TPCN1: variants seen among roughly 807,000 people sequenced by gnomAD.
The protein encoded by TPCN1 is two pore segment channel 1.
TPCN1 carries 52 observed loss-of-function variants against 108.8 expected under a neutral mutation model. That is an observed-to-expected ratio of 0.48 (90% CI 0.38 to 0.60). The LOEUF (loss-of-function observed/expected upper bound fraction) is 0.60, where lower values mean the gene tolerates loss of function less well. TPCN1 is among the 20% of genes least tolerant of loss of function. The pLI, the probability that TPCN1 is intolerant of heterozygous loss-of-function variation, is 0.00. For synonymous variants in TPCN1, 446 were observed against 433.7 expected (o/e 1.03, Z -0.35); for missense variants, 806 against 1,072.8 (o/e 0.75, Z 3.47).
chr12:113,296,130 C>T lies in TPCN1; in HGVS notation c.*54C>T. 1 of 1,591,756 alleles carries T rather than the reference C, an allele frequency of 6.3e-7. No individual in the cohort carries two copies. Among genetic ancestry groups the T allele is most frequent in the Non-Finnish European group, 8.6e-7 (1 of 1,164,010 alleles). ...GCAATAACACAATAGTATTACTCTA[C>T]TGCGATGTACGGAACTGCGGTGTGT... On this transcript the variant is annotated 3_prime_UTR_variant, in exon 28 of 28. Transcript: ENST00000335509.
At chr12:113,252,914 G>A (rs1241716992) in intron 2 of TPCN1, among the ~76,000 whole-genome samples, 1 of 152,210 alleles carries the variant, frequency 6.6e-6, no homozygotes, top group Non-Finnish European at 1.5e-5. Flanking sequence ...GAATTACCAA[G>A]TTCAAACCGC....
At chr12:113,241,090 G>A (rs1165481228) in intron 2 of TPCN1, among the ~76,000 whole-genome samples, 1 of 152,102 alleles carries the variant, frequency 6.6e-6, no homozygotes, top group African/African-American at 2.4e-5. Context: ...GATTTCCATT[G>A]TATTTTCCTT....
At chr12:113,271,084 C>G (rs930625667) in intron 7 of TPCN1, among the ~76,000 whole-genome samples, 1 of 151,688 alleles carries the variant, frequency 6.6e-6, no homozygotes, top group African/African-American at 2.4e-5. Flanking sequence ...ATAGGGAGAC[C>G]CCATCTCTAC....
chr12:113,284,782 G>A lies in TPCN1; in HGVS notation c.1453+11G>A, dbSNP rs764614551. On this transcript the variant is annotated intron_variant, in intron 17 of 27. Coordinates refer to ENST00000335509, the MANE Select transcript of TPCN1 (RefSeq NM_017901.6). The surrounding 1 kb of genome is among the most constrained non-coding windows in gnomAD (Gnocchi z 4.1). ...TCGTCTTTCTAACTAGTACGTTTCC[G>A]ACATGGCTTTGCTGGACTGCTTGTT... The A allele has an allele frequency of 1.2e-5, 19 of 1,614,066 alleles. No individual in the cohort carries two copies. The highest frequency in any genetic ancestry group is 1.4e-5 in the Non-Finnish European group (17 of 1,179,946).
In TPCN1 at chr12:113,272,568, C is replaced by A; in HGVS notation, c.749-90C>A. The A allele has an allele frequency of 1.7e-6, 2 of 1,199,780 alleles. No individual in the cohort carries two copies. Among genetic ancestry groups the A allele is most frequent in the Non-Finnish European group, 2.5e-6 (2 of 802,496 alleles). 74.3% of individuals were successfully genotyped at this position (1,199,780 alleles called of 1,614,324 possible). A position where few individuals can be genotyped will look rare whatever the true frequency, so the allele number is the denominator to read the frequency against. On this transcript the variant is annotated intron_variant, in intron 7 of 27. Transcript: ENST00000335509. The surrounding 1 kb of genome is among the most constrained non-coding windows in gnomAD (Gnocchi z 4.1). ...GCTGCTCTTCCTGACCTGCTGCGTT[C>A]ATTTGCATGTATTTGTCCAGTCCTT...
intron 2 of TPCN1, among the ~76,000 whole-genome samples, chr12:113,252,072 C>T (rs1278129900): frequency 6.6e-6 from 1 of 151,010 alleles, no homozygotes; most frequent in East Asian, 2.0e-4. Context: ...GGACTGTCCT[C>T]CCAGGGCAGC....
At chr12:113,255,636 A>ATGCCTCAGCCTCC in intron 2 of TPCN1, among the ~76,000 whole-genome samples, 1 of 151,950 alleles carries the variant, frequency 6.6e-6, no homozygotes, top group East Asian at 1.9e-4. Flanking sequence ...AGTGAGTCTC[A>ATGCCTCAGCCTCC]TGCCTCAGCC....
chr12:113,288,712 T>C lies in TPCN1; in HGVS notation c.1707-46T>C, dbSNP rs1956171987. 6.2e-7 allele frequency: 1 copy of C among 1,604,716 alleles called. No individual in the cohort carries two copies. Among genetic ancestry groups the C allele is most frequent in the African/African-American group, 1.3e-5 (1 of 74,996 alleles). On this transcript the variant is annotated intron_variant, in intron 20 of 27. Transcript: ENST00000335509. The surrounding 1 kb of genome is among the most constrained non-coding windows in gnomAD (Gnocchi z 4.8). ...GGAGGCCGGGGCTGCAGAGGAGCCG[T>C]TCCCTCCTGCCGGCCCCGCGTCACC... is the stretch of plus-strand genomic sequence containing the variant.
In TPCN1 at chr12:113,284,176, A is replaced by G. The variant is rs1176325705; in HGVS notation, c.1343-405A>G. Among the ~76,000 whole-genome samples, 1 of 152,234 alleles carries G rather than the reference A, an allele frequency of 6.6e-6. No individual in the cohort carries two copies. The highest frequency in any genetic ancestry group is 1.5e-5 in the Non-Finnish European group (1 of 68,042). On this transcript the variant is annotated intron_variant, in intron 15 of 27. Transcript: ENST00000335509. This position sits in a 1 kb window ranked among gnomAD's most constrained non-coding sequence, Gnocchi z 4.1. ...TCTGGAAAGTGGGATTGCTAGGCGAATGGCTTAATGCATATGCAGTTTTTC... is the reference window on the plus strand; with the variant it reads ...TCTGGAAAGTGGGATTGCTAGGCGAGTGGCTTAATGCATATGCAGTTTTTC...
chr12:113,227,342 C>G (rs532755604), intron 2 of TPCN1, among the ~76,000 whole-genome samples: 16 of 152,334 alleles, frequency 1.1e-4, no homozygotes, highest in African/African-American at 3.8e-4. Context: ...CAGCCTCCGT[C>G]TGTCCCCATC....
chr12:113,276,824 A>C, intron 10 of TPCN1, 95 bp from the exon 11 acceptor site: 21 of 829,920 alleles, frequency 2.5e-5, no homozygotes, highest in Non-Finnish European at 3.3e-5. Context: ...TGACTGGGTA[A>C]GAGCCTTGCC....
At chr12:113,285,150 C>A (rs936136518) in intron 17 of TPCN1, among the ~76,000 whole-genome samples, 3 of 152,254 alleles carry the variant, frequency 2.0e-5, no homozygotes, top group African/African-American at 4.8e-5. Flanking sequence ...CCTGACTTTC[C>A]TGCTCTTTCC....
Position 113,288,469 on chromosome 12 carries a change from C to G in TPCN1, c.1706+235C>G. On this transcript the variant is annotated intron_variant, in intron 20 of 27. Transcript: ENST00000335509. This position sits in a 1 kb window ranked among gnomAD's most constrained non-coding sequence, Gnocchi z 4.8. ...GGGAGGGCAGGGAGCTGTCAACTCG[C>G]TTACCACCTGTGTCTACATTCACAG... 7 of 1,499,306 alleles carry G rather than the reference C, an allele frequency of 4.7e-6. No homozygotes were observed. Among genetic ancestry groups the G allele is most frequent in the Non-Finnish European group, 6.2e-6 (7 of 1,126,064 alleles). The allele number at this position is 1,499,306 out of a possible 1,614,324, so 92.9% of individuals were successfully genotyped here.
chr12:113,288,500 G>C lies in TPCN1; in HGVS notation c.1707-258G>C. ...ACCTGTGTCTACATTCACAGGTAAGGGGTCACCTGTGAGTCTACCTTCACA... is the reference window on the plus strand; with the variant it reads ...ACCTGTGTCTACATTCACAGGTAAGCGGTCACCTGTGAGTCTACCTTCACA... On this transcript the variant is annotated intron_variant, in intron 20 of 27. Coordinates refer to ENST00000335509, the MANE Select transcript of TPCN1 (RefSeq NM_017901.6). This position sits in a 1 kb window ranked among gnomAD's most constrained non-coding sequence, Gnocchi z 4.8. 1.3e-6 allele frequency: 2 copies of C among 1,501,780 alleles called. No homozygotes were observed. The highest frequency in any genetic ancestry group is 1.8e-6 in the Non-Finnish European group (2 of 1,128,536). The allele number at this position is 1,501,780 out of a possible 1,614,324, so 93.0% of individuals were successfully genotyped here.
intron 2 of TPCN1, among the ~76,000 whole-genome samples, chr12:113,245,293 A>G (rs1017271133): frequency 6.7e-6 from 1 of 150,264 alleles, no homozygotes; most frequent in African/African-American, 2.5e-5. Flanking sequence ...AAGAAAATAA[A>G]AAGGAGAGAG....
chr12:113,270,851 C>T (rs1955470853), intron 7 of TPCN1, among the ~76,000 whole-genome samples: 1 of 152,184 alleles, frequency 6.6e-6, no homozygotes, highest in South Asian at 2.1e-4. Context: ...TCACCTCCCA[C>T]AGCCGCCACC....
At chr12:113,286,071 T>G in intron 18 of TPCN1, 110 bp downstream of exon 18, 1 of 987,474 alleles carries the variant, frequency 1.0e-6, no homozygotes, top group South Asian at 1.4e-5. Flanking sequence ...AGAGGGAGGG[T>G]CTGAGGATGG....
chr12:113,227,068 C>G, intron 2 of TPCN1, 104 bp downstream of exon 2: 3 of 933,944 alleles, frequency 3.2e-6, no homozygotes, highest in Non-Finnish European at 4.7e-6. Flanking sequence ...TAACTTGTTG[C>G]CTGGCCCCAC....
At chr12:113,223,430 T>C (rs1402755031) in intron 1 of TPCN1, among the ~76,000 whole-genome samples, 1 of 148,082 alleles carries the variant, frequency 6.8e-6, no homozygotes, top group African/African-American at 2.5e-5. Flanking sequence ...TCAGATCTGC[T>C]GAGTCTTTTT....
Sources: allele counts gnomAD v4.1 joint callset (sites outside exome capture counted in the v4.1 genomes callset), GRCh38; gene constraint gnomAD v4.1.1; non-coding constraint Gnocchi (gnomAD v3.1); transcripts MANE v1.5; gene names NCBI Gene and HGNC (gene_info 2026-07-23, HGNC 2026-07-21).